The following ERC1 variants were observed in gnomAD, a reference collection of about 807,000 sequenced individuals.
The protein encoded by ERC1 is RAB6 interacting protein 2.
A neutral mutation model predicts 132.0 loss-of-function variants in ERC1; 56 were observed. That is an observed-to-expected ratio of 0.42 (90% CI 0.34 to 0.53). The LOEUF is 0.53. Among genes scored for constraint, ERC1 ranks in the 20% least tolerant of loss-of-function variants. The pLI, the probability that ERC1 is intolerant of heterozygous loss-of-function variation, is 0.03. For missense variants in ERC1, 1,202 were observed against 1,349.9 expected, an observed-to-expected ratio of 0.89 and a Z score of 1.72; for synonymous variants, 478 against 476.1, an observed-to-expected ratio of 1.00 and a Z score of -0.05.
At chr12:1,111,156 A>G (rs1432256374) in intron 5 of ERC1, among the ~76,000 whole-genome samples, 2 of 152,130 alleles carry the variant, frequency 1.3e-5, no homozygotes, top group East Asian at 1.9e-4. Context: ...CAGGCGTAAT[A>G]TGACAAAGAT....
rs1330469292 is a variant in ERC1, at chr12:1,367,921, T to TC, written c.2781-3912_2781-3911insC. ...GTCATGTGGGCGGGGGGATTACTAA[T>TC]ACTTTGAAAGGTTTCGTGTCCACAT... is the stretch of plus-strand genomic sequence containing the variant. On this transcript the variant is annotated intron_variant, in intron 15 of 18. Transcript: ENST00000360905. Among the ~76,000 whole-genome samples the TC allele has an allele frequency of 1.2e-4, 18 of 151,064 alleles. 1 individual carries two copies. The highest frequency in any genetic ancestry group is 4.4e-4 in the African/African-American group (18 of 41,140).
At chr12:1,047,238 T>G (rs1272753848) in intron 2 of ERC1, among the ~76,000 whole-genome samples, 2 of 152,206 alleles carry the variant, frequency 1.3e-5, no homozygotes, top group Non-Finnish European at 2.9e-5. Context: ...TTCTCTATCA[T>G]AAATATTTAT....
chr12:1,154,702 T>A (rs1001249150), intron 8 of ERC1, among the ~76,000 whole-genome samples: 9 of 151,198 alleles, frequency 6.0e-5, no homozygotes, highest in African/African-American at 1.5e-4. Flanking sequence ...ACAAGGAACT[T>A]AAATCAACAA....
chr12:1,120,352 C>T (rs147086811), intron 7 of ERC1, among the ~76,000 whole-genome samples: 13 of 152,234 alleles, frequency 8.5e-5, no homozygotes, highest in African/African-American at 2.9e-4. Flanking sequence ...CAGTTTATAG[C>T]ACTTTGATTT....
chr12:1,057,362 A>G, intron 2 of ERC1, among the ~76,000 whole-genome samples: 1 of 152,018 alleles, frequency 6.6e-6, no homozygotes, highest in East Asian at 1.9e-4. Flanking sequence ...GGCCTCAAGC[A>G]GTCCATCTTC....
At chr12:1,356,203 A>T (rs2085505844) in intron 15 of ERC1, among the ~76,000 whole-genome samples, 1 of 131,330 alleles carries the variant, frequency 7.6e-6, no homozygotes, top group Non-Finnish European at 1.6e-5. Flanking sequence ...GACTGTCAAA[A>T]AAAAAAAAAA....
intron 8 of ERC1, among the ~76,000 whole-genome samples, chr12:1,178,741 C>T (rs1473932788): frequency 2.2e-4 from 34 of 152,072 alleles, no homozygotes; most frequent in Admixed American, 2.2e-3. Context: ...TTATATTCTC[C>T]TGCTTCATTT....
intron 8 of ERC1, among the ~76,000 whole-genome samples, chr12:1,174,411 A>T (rs1311295178): frequency 8.5e-5 from 13 of 152,228 alleles, no homozygotes; most frequent in Admixed American, 8.5e-4. Flanking sequence ...CTCAACAGTC[A>T]GTCTCTCTAG....
In ERC1 at chr12:1,387,257, GA is replaced by G. The variant is rs563783566; in HGVS notation, c.2925+15281del. Among the ~76,000 whole-genome samples, 24 of 152,268 alleles carry G rather than the reference GA, an allele frequency of 1.6e-4. No individual in the cohort carries two copies. In the South Asian group the frequency reaches 5.0e-3, roughly 32 times the overall value. Reference sequence around the variant, plus strand: ...GTGATGCTGTTTAGATGGAATTTTGGATTTAGAGTTGTGCCATAGTGGGTTA... The same window carrying G: ...GTGATGCTGTTTAGATGGAATTTTGGTTTAGAGTTGTGCCATAGTGGGTTA... On this transcript the variant is annotated intron_variant, in intron 16 of 18. Coordinates refer to ENST00000360905, the MANE Select transcript of ERC1 (RefSeq NM_178040.4).
intron 12 of ERC1, among the ~76,000 whole-genome samples, chr12:1,224,831 C>T (rs2074424712): frequency 6.6e-6 from 1 of 151,166 alleles, no homozygotes; most frequent in African/African-American, 2.4e-5. Context: ...AAATAAACAG[C>T]AATAACAAAA....
intron 7 of ERC1, among the ~76,000 whole-genome samples, chr12:1,140,134 A>G (rs976081088): frequency 8.5e-5 from 13 of 152,114 alleles, no homozygotes; most frequent in African/African-American, 2.9e-4. Context: ...AGCAGAGTGA[A>G]CTATGGTTTA....
At chr12:1,352,733 C>T (rs958485830) in intron 15 of ERC1, among the ~76,000 whole-genome samples, 3 of 152,222 alleles carry the variant, frequency 2.0e-5, no homozygotes, top group African/African-American at 7.2e-5. Flanking sequence ...GAATGAAAAT[C>T]ATGTGTTTAA....
rs1944245893 is a variant in ERC1 at position 1,097,912 on chromosome 12, G to A, written c.1087-6838G>A. Among the ~76,000 whole-genome samples the A allele has an allele frequency of 3.3e-5, 5 of 152,060 alleles. No homozygotes were observed. The South Asian group carries it at 1.0e-3, about 32-fold the overall frequency. ...GTATTTTTGGAAGAGACGGGGTTTT[G>A]CCATGTTTGCCAGGCTGGTCTTGAA... is the stretch of plus-strand genomic sequence containing the variant. On this transcript the variant is annotated intron_variant, in intron 3 of 18. Coordinates refer to ENST00000360905, the MANE Select transcript of ERC1 (RefSeq NM_178040.4).
intron 15 of ERC1, among the ~76,000 whole-genome samples, chr12:1,358,215 T>C (rs1595214082): frequency 8.0e-6 from 1 of 124,786 alleles, no homozygotes; most frequent in South Asian, 2.6e-4. Flanking sequence ...CCTTGTCTGT[T>C]CAAAAAAAAA....
chr12:1,014,667 T>A (rs1164206247), intron 1 of ERC1, among the ~76,000 whole-genome samples: 3 of 152,180 alleles, frequency 2.0e-5, no homozygotes, highest in Non-Finnish European at 4.4e-5. Context: ...TCGTAAGCAT[T>A]CTTCTGTAAC....
At chr12:1,109,074 A>G (rs983343507) in intron 4 of ERC1, among the ~76,000 whole-genome samples, 4 of 152,258 alleles carry the variant, frequency 2.6e-5, no homozygotes, top group Non-Finnish European at 4.4e-5. Context: ...TAAGGTCTCT[A>G]TTTCTTTGGT....
intron 1 of ERC1, among the ~76,000 whole-genome samples, chr12:1,012,256 A>G (rs1225020310): frequency 2.0e-5 from 3 of 152,190 alleles, no homozygotes; most frequent in East Asian, 3.8e-4. Flanking sequence ...TTGGGAAGAA[A>G]CAAATACTTA....
intron 8 of ERC1, 62 bp from the exon 9 acceptor site, chr12:1,180,478 A>G (rs1173184561): frequency 4.7e-6 from 7 of 1,477,864 alleles, no homozygotes; most frequent in East Asian, 4.6e-5. Flanking sequence ...AATGATTTTG[A>G]TTGTGCTATT....
intron 11 of ERC1, among the ~76,000 whole-genome samples, chr12:1,188,044 T>C (rs896888536): frequency 6.6e-6 from 1 of 152,170 alleles, no homozygotes; most frequent in Admixed American, 6.5e-5. Context: ...GTTATATTTA[T>C]ATTTGTGGAG....
Sources: gnomAD v4.1 joint callset for allele counts (sites outside exome capture counted in the v4.1 genomes callset) on GRCh38, gnomAD v4.1.1 for gene constraint, MANE v1.5 for transcripts, NCBI Gene and HGNC (gene_info 2026-07-23, HGNC 2026-07-21) for gene names.